Variants in RIMS2 observed in about 807,000 individuals in gnomAD.
RIMS2 encodes the protein regulating synaptic membrane exocytosis 2.
A neutral mutation model predicts 174.4 loss-of-function variants in RIMS2; 59 were observed. The observed-to-expected ratio is 0.34, with a 90% CI of 0.27 to 0.42. The LOEUF (loss-of-function observed/expected upper bound fraction) is 0.42. Among genes scored for constraint, RIMS2 ranks in the 10% least tolerant of loss-of-function variants. The pLI, the probability that RIMS2 is intolerant of heterozygous loss-of-function variation, is 1.00. For missense variants in RIMS2, 1,620 were observed against 1,666.3 expected (o/e 0.97, Z 0.48); for synonymous variants, 606 against 572.5 (o/e 1.06, Z -0.84).
At chr8:103,902,990 A>G (rs2073540092) in intron 4 of RIMS2, among the ~76,000 whole-genome samples, 1 of 152,164 alleles carries the variant, frequency 6.6e-6, no homozygotes, top group Admixed American at 6.5e-5. Flanking sequence ...CAAGTTGAAA[A>G]GGAGGACAGA....
chr8:103,889,657 T>C (rs2099230345), intron 4 of RIMS2, among the ~76,000 whole-genome samples: 1 of 151,826 alleles, frequency 6.6e-6, no homozygotes, highest in Non-Finnish European at 1.5e-5. Flanking sequence ...TTCTCTGCTG[T>C]CCTTTTGGAT....
chr8:103,610,890 T>C (rs911075222), intron 1 of RIMS2, among the ~76,000 whole-genome samples: 1 of 152,188 alleles, frequency 6.6e-6, no homozygotes, highest in East Asian at 1.9e-4. Flanking sequence ...ATAGTTTCAA[T>C]AGGAATGGTA....
intron 1 of RIMS2, among the ~76,000 whole-genome samples, chr8:103,635,435 G>A (rs1458679595): frequency 2.6e-5 from 4 of 151,946 alleles, no homozygotes; most frequent in African/African-American, 9.7e-5. Flanking sequence ...ATATGGGAAT[G>A]GGCACCGACA....
chr8:103,890,141 A>G (rs2099234698), intron 4 of RIMS2, among the ~76,000 whole-genome samples: 1 of 152,032 alleles, frequency 6.6e-6, no homozygotes, highest in Non-Finnish European at 1.5e-5. Context: ...TAAGACTTCT[A>G]TAGGACAACT....
intron 19 of RIMS2, among the ~76,000 whole-genome samples, chr8:104,151,961 G>T (rs2098692519): frequency 6.6e-6 from 1 of 152,064 alleles, no homozygotes; most frequent in Non-Finnish European, 1.5e-5. Flanking sequence ...AATTAAGAGG[G>T]TAGAATATTC....
chr8:103,753,187 G>A (rs1344953938), intron 2 of RIMS2, among the ~76,000 whole-genome samples: 20 of 152,136 alleles, frequency 1.3e-4, no homozygotes, highest in Admixed American at 1.3e-3. Flanking sequence ...CATCTATTGA[G>A]ATAATCATGT....
chr8:103,680,595 CTG>C (rs1421136081), intron 1 of RIMS2, among the ~76,000 whole-genome samples: 8 of 151,888 alleles, frequency 5.3e-5, no homozygotes, highest in African/African-American at 1.9e-4. Flanking sequence ...AATTAACAGA[CTG>C]AGAGAAGAAA....
intron 1 of RIMS2, among the ~76,000 whole-genome samples, chr8:103,621,830 T>C (rs2095642232): frequency 6.6e-6 from 1 of 152,040 alleles, no homozygotes. Flanking sequence ...GATGCACATT[T>C]TGATCATATA....
chr8:103,711,834 A>G (rs913175925), intron 2 of RIMS2, among the ~76,000 whole-genome samples: 1 of 151,910 alleles, frequency 6.6e-6, no homozygotes, highest in Non-Finnish European at 1.5e-5. Flanking sequence ...GAGGCGGCGG[A>G]TGGAGTAAGC....
At chr8:104,199,869 G>T (rs2099045584) in intron 19 of RIMS2, among the ~76,000 whole-genome samples, 1 of 152,170 alleles carries the variant, frequency 6.6e-6, no homozygotes, top group African/African-American at 2.4e-5. Context: ...TCCTTCCTGA[G>T]GACCATGACT....
chr8:103,840,642 GA>G (rs2098933919), intron 3 of RIMS2, among the ~76,000 whole-genome samples: 1 of 151,644 alleles, frequency 6.6e-6, no homozygotes, highest in African/African-American at 2.4e-5. Flanking sequence ...TTAACTTTAG[GA>G]AAAATACTAT....
intron 1 of RIMS2, among the ~76,000 whole-genome samples, chr8:103,615,091 A>T (rs2095474888): frequency 6.6e-6 from 1 of 152,162 alleles, no homozygotes; most frequent in Non-Finnish European, 1.5e-5. Flanking sequence ...AGATCTTTTT[A>T]AAATGTACCC....
chr8:103,836,373 G>C (rs1451198387), intron 3 of RIMS2, among the ~76,000 whole-genome samples: 2 of 152,026 alleles, frequency 1.3e-5, no homozygotes, highest in Non-Finnish European at 2.9e-5. Flanking sequence ...AATATCGTGA[G>C]ATCCCCTTCT....
chr8:103,967,170 GTTTTTTTTTTTTTTTT>G (rs71575988), intron 15 of RIMS2, among the ~76,000 whole-genome samples: 1 of 24,952 alleles, frequency 4.0e-5, no homozygotes, highest in African/African-American at 2.1e-4. Flanking sequence ...ATCTGTTCTT[GTTTTTTTTTTTTTTTT>G]TTTTTTTTTT....
chr8:103,609,671 G>A (rs1222163310), intron 1 of RIMS2, among the ~76,000 whole-genome samples: 6 of 151,906 alleles, frequency 3.9e-5, no homozygotes, highest in African/African-American at 7.2e-5. Context: ...TAGGTGTGTG[G>A]CATTATCTCT....
chr8:103,939,784 G>T (rs188822943), intron 13 of RIMS2, among the ~76,000 whole-genome samples: 1 of 152,236 alleles, frequency 6.6e-6, no homozygotes, highest in East Asian at 1.9e-4. Context: ...CCACCAGATA[G>T]CCTAAATCAT....
rs942869741 is a variant in RIMS2, at chr8:103,817,329, A to G, written c.698+50792A>G. Among the ~76,000 whole-genome samples the G allele has an allele frequency of 4.6e-5, 7 of 152,158 alleles. No individual in the cohort carries two copies. The South Asian group carries it at 8.3e-4, about 18-fold the overall frequency. ...ATTGGCCATTTTACAATAGGTGTGC[A>G]TTTGTGTGTGTGTGTGCATGTGCAC... On this transcript the variant is annotated intron_variant, in intron 3 of 23. Coordinates refer to ENST00000504942, the Ensembl canonical transcript of RIMS2.
chr8:104,055,930 T>C (rs1418700200), intron 19 of RIMS2, among the ~76,000 whole-genome samples: 3 of 152,188 alleles, frequency 2.0e-5, no homozygotes, highest in Non-Finnish European at 4.4e-5. Context: ...TTTCCCTCAC[T>C]TCTTCCTTTA....
At chr8:103,618,919 G>C (rs1448504304) in intron 1 of RIMS2, among the ~76,000 whole-genome samples, 1 of 152,028 alleles carries the variant, frequency 6.6e-6, no homozygotes, top group Non-Finnish European at 1.5e-5. Context: ...CACCCATCTT[G>C]ACTACCACAT....
Sources: allele counts gnomAD v4.1 joint callset (sites outside exome capture counted in the v4.1 genomes callset), GRCh38; gene constraint gnomAD v4.1.1; transcripts MANE v1.5; gene names NCBI Gene and HGNC (gene_info 2026-07-23, HGNC 2026-07-21).